Variants in SIPA1L2 observed in about 807,000 individuals in gnomAD.
The protein encoded by SIPA1L2 is signal induced proliferation associated 1 like 2.
In SIPA1L2, 56 loss-of-function variants were observed where a neutral mutation model predicts 163.9. The ratio of observed to expected loss-of-function variants is 0.34; its 90% CI spans 0.28 to 0.43. The LOEUF (loss-of-function observed/expected upper bound fraction) is 0.43. SIPA1L2 is among the 20% of genes least tolerant of loss of function. The pLI is 1.00. For missense variants in SIPA1L2, 1,974 were observed against 2,193.5 expected (o/e 0.90, Z 2.00); for synonymous variants, 877 against 865.7 (o/e 1.01, Z -0.23).
chr1:232,438,431 C>G lies in SIPA1L2; in HGVS notation c.4031+677G>C, dbSNP rs10797559. ...TGCATTTCTTTGTCCTTTGCCTAGT[C>G]TTTGAAAGTGAAGGCAGAAATCGCA... On this transcript the variant is annotated intron_variant, in intron 15 of 22. Transcript: ENST00000674635. Among the ~76,000 whole-genome samples the G allele has an allele frequency of 0.029, 4,373 of 152,318 alleles. 538 individuals carry two copies. The East Asian group carries it at 0.4, about 14-fold the overall frequency.
At chr1:232,450,225 T>A (rs572064957) in intron 10 of SIPA1L2, among the ~76,000 whole-genome samples, 100 of 152,352 alleles carry the variant, frequency 6.6e-4, no homozygotes, top group African/African-American at 2.4e-3. Flanking sequence ...AGTTTAACAG[T>A]TACATTATTG....
At chr1:232,619,335 C>T (rs1442128130) in intron 1 of SIPA1L2, among the ~76,000 whole-genome samples, 5 of 152,220 alleles carry the variant, frequency 3.3e-5, no homozygotes, top group Non-Finnish European at 4.4e-5. Context: ...AGCTGTAGCG[C>T]CCATCTATCA....
chr1:232,491,022 G>C lies in SIPA1L2; in HGVS notation c.1658C>G (p.Pro553Arg), dbSNP rs749396027. The change falls in exon 5 of 23, where the codon CCC (proline) becomes CGC (arginine). Residue 553 changes from proline to arginine, a missense_variant. By Grantham distance (103) the Pro-to-Arg change is moderately radical (BLOSUM62 -2). Coordinates refer to ENST00000674635, the MANE Select transcript of SIPA1L2 (RefSeq NM_020808.5). ...TGCGGTACCATGCCTAGCAGTAGAGGGTATAGCATCTTCTAAAATTGCTCC... is the reference window on the plus strand; with the variant it reads ...TGCGGTACCATGCCTAGCAGTAGAGCGTATAGCATCTTCTAAAATTGCTCC... The part of the protein sequence containing the change: ...LRGAILEDAI[P>R]STARHGTARG... 6.2e-7 allele frequency: 1 copy of C among 1,613,818 alleles called. No homozygotes were observed. The highest frequency in any genetic ancestry group is 1.1e-5 in the South Asian group (1 of 91,008).
rs1057194771 is a variant in SIPA1L2 at position 232,515,464 on chromosome 1, T to C, written c.-125A>G. On this transcript the variant is annotated 5_prime_UTR_variant, in exon 3 of 23. Coordinates refer to ENST00000674635, the MANE Select transcript of SIPA1L2 (RefSeq NM_020808.5). ...TTGTCTGTAGTTGTATTTTTTCTTTTCTTAGCCCAAAGCAAACAACATCCT... is the reference window on the plus strand; with the variant it reads ...TTGTCTGTAGTTGTATTTTTTCTTTCCTTAGCCCAAAGCAAACAACATCCT... 9.3e-7 allele frequency: 1 copy of C among 1,078,584 alleles called. No individual in the cohort carries two copies. Among genetic ancestry groups the C allele is most frequent in the Non-Finnish European group, 1.3e-6 (1 of 783,526 alleles). The allele number at this position is 1,078,584 out of a possible 1,614,324, so 66.8% of individuals were successfully genotyped here.
intron 2 of SIPA1L2, among the ~76,000 whole-genome samples, chr1:232,547,222 C>T (rs1658080058): frequency 1.3e-5 from 2 of 152,030 alleles, no homozygotes; most frequent in South Asian, 4.1e-4. Context: ...TAACTCTTGC[C>T]CCCTACCCCA....
intron 4 of SIPA1L2, 123 bp from the exon 5 acceptor site, chr1:232,491,185 AG>A: frequency 1.3e-6 from 1 of 791,056 alleles, no homozygotes; most frequent in South Asian, 1.9e-5. Flanking sequence ...GTGTAGTGAA[AG>A]GGGCGACAGT....
intron 2 of SIPA1L2, among the ~76,000 whole-genome samples, chr1:232,553,207 G>A (rs1347873641): frequency 1.3e-5 from 2 of 152,078 alleles, no homozygotes; most frequent in African/African-American, 4.8e-5. Context: ...CTGGAGTTTG[G>A]CCATCCAGTG....
At chr1:232,563,956 CGTGTGTGTGTGTGTGTGT>C (rs34854572) in intron 2 of SIPA1L2, among the ~76,000 whole-genome samples, 4 of 72,212 alleles carry the variant, frequency 5.5e-5, no homozygotes, top group Non-Finnish European at 9.4e-5. Flanking sequence ...TTTTTTTTTT[CGTGTGTGTGTGTGTGTGT>C]GTGTGTGTGT....
At chr1:232,470,843 A>G (rs191416125) in intron 8 of SIPA1L2, among the ~76,000 whole-genome samples, 10 of 152,320 alleles carry the variant, frequency 6.6e-5, no homozygotes, top group Admixed American at 2.6e-4. Context: ...TGATATGATC[A>G]TTTGGCTGCA....
At chr1:232,445,130 T>C (rs999996386) in intron 11 of SIPA1L2, among the ~76,000 whole-genome samples, 1 of 152,204 alleles carries the variant, frequency 6.6e-6, no homozygotes. Context: ...CCTCTTAAAG[T>C]ATTACTCACA....
chr1:232,543,972 C>T (rs1219679901), intron 2 of SIPA1L2, among the ~76,000 whole-genome samples: 1 of 152,140 alleles, frequency 6.6e-6, no homozygotes, highest in African/African-American at 2.4e-5. Context: ...GGGGTTGGTG[C>T]CCCTAACTCT....
intron 2 of SIPA1L2, among the ~76,000 whole-genome samples, chr1:232,531,314 C>G (rs1192360233): frequency 6.6e-6 from 1 of 152,172 alleles, no homozygotes; most frequent in Non-Finnish European, 1.5e-5. Flanking sequence ...ACCTCCCTAG[C>G]TTCCTTATTG....
chr1:232,435,798 T>C (rs1201074145), intron 15 of SIPA1L2, among the ~76,000 whole-genome samples: 1 of 152,230 alleles, frequency 6.6e-6, no homozygotes, highest in Non-Finnish European at 1.5e-5. Context: ...GCTAGATATA[T>C]GCTTGTTCTG....
At chr1:232,406,037 G>A (rs140822182) in intron 19 of SIPA1L2, among the ~76,000 whole-genome samples, 26 of 152,290 alleles carry the variant, frequency 1.7e-4, no homozygotes, top group Non-Finnish European at 2.4e-4. Flanking sequence ...TTTCACTTTG[G>A]AATTGAAAAG....
chr1:232,629,529 C>T (rs1663262266), intron 1 of SIPA1L2, among the ~76,000 whole-genome samples: 2 of 152,228 alleles, frequency 1.3e-5, no homozygotes, highest in Admixed American at 1.3e-4. Flanking sequence ...TTCCAGAGAG[C>T]GTTAGTCAGA....
intron 2 of SIPA1L2, among the ~76,000 whole-genome samples, chr1:232,546,268 G>A: frequency 6.6e-6 from 1 of 152,102 alleles, no homozygotes; most frequent in East Asian, 1.9e-4. Context: ...CTAGATAAAG[G>A]ATTTTTCTAC....
intron 2 of SIPA1L2, among the ~76,000 whole-genome samples, chr1:232,563,145 T>C (rs1306381896): frequency 1.3e-5 from 2 of 152,216 alleles, no homozygotes; most frequent in East Asian, 3.9e-4. Flanking sequence ...TATAAACCTA[T>C]TGTGTGGTGT....
chr1:232,539,093 A>G (rs1297017580), intron 2 of SIPA1L2, among the ~76,000 whole-genome samples: 1 of 152,214 alleles, frequency 6.6e-6, no homozygotes, highest in Non-Finnish European at 1.5e-5. Context: ...TCGTCAAGCA[A>G]ACAGCAAATC....
At chr1:232,513,794 T>TTG (rs1667088298) in intron 3 of SIPA1L2, 63 bp downstream of exon 3, 2 of 1,500,074 alleles carry the variant, frequency 1.3e-6, no homozygotes. Context: ...AAGCAAAACA[T>TTG]TGTGACTGGT....
Sources: gnomAD v4.1 joint callset for allele counts (sites outside exome capture counted in the v4.1 genomes callset) on GRCh38, gnomAD v4.1.1 for gene constraint, MANE v1.5 for transcripts, NCBI Gene and HGNC (gene_info 2026-07-23, HGNC 2026-07-21) for gene names.